The following KAZN variants were observed in gnomAD, a reference collection of about 807,000 sequenced individuals.
KAZN encodes kazrin, periplakin interacting protein.
KAZN carries 40 observed loss-of-function variants against 87.4 expected under a neutral mutation model. That is an observed-to-expected ratio of 0.46 (90% CI 0.36 to 0.60). The LOEUF (loss-of-function observed/expected upper bound fraction) is 0.60. KAZN is among the 20% of genes least tolerant of loss of function. The pLI, the probability that KAZN is intolerant of heterozygous loss-of-function variation, is 0.00. For synonymous variants in KAZN, 466 were observed against 458.3 expected (o/e 1.02, Z -0.22); for missense variants, 898 against 1,073.9 (o/e 0.84, Z 2.29).
chr1:15,089,602 C>G (rs965379615), intron 8 of KAZN, among the ~76,000 whole-genome samples: 10 of 151,812 alleles, frequency 6.6e-5, no homozygotes, highest in Admixed American at 4.6e-4. Flanking sequence ...AAACAGACAT[C>G]AGAAAAAAAT....
At chr1:14,149,559 G>C (rs1172461361) in intron 1 of KAZN, among the ~76,000 whole-genome samples, 1 of 152,042 alleles carries the variant, frequency 6.6e-6, no homozygotes, top group East Asian at 1.9e-4. Flanking sequence ...ACCATTGCCT[G>C]GGCCTCTTCC....
At chr1:15,020,559 C>T (rs992105162) in intron 2 of KAZN, among the ~76,000 whole-genome samples, 2 of 152,112 alleles carry the variant, frequency 1.3e-5, no homozygotes, top group African/African-American at 4.8e-5. Context: ...TCCAGAAGCG[C>T]GACACTCGGT....
chr1:14,194,019 T>C (rs1570983290), intron 2 of KAZN, among the ~76,000 whole-genome samples: 1 of 152,240 alleles, frequency 6.6e-6, no homozygotes, highest in Non-Finnish European at 1.5e-5. Context: ...TATGGCTTTC[T>C]TTTCATCATC....
At chr1:15,065,946 C>CT in intron 8 of KAZN, 193 bp downstream of exon 8, 1 of 1,403,182 alleles carries the variant, frequency 7.1e-7, no homozygotes, top group Non-Finnish European at 9.2e-7. Context: ...CCGAGCGCCT[C>CT]TAACAAGTGA....
At chr1:14,891,217 C>T (rs1399939441) in intron 1 of KAZN, among the ~76,000 whole-genome samples, 6 of 152,026 alleles carry the variant, frequency 3.9e-5, no homozygotes, top group East Asian at 1.9e-4. Flanking sequence ...TACATGAGTA[C>T]GTTCTTTAGT....
At chr1:14,402,099 AAG>A (rs929932711) in intron 2 of KAZN, among the ~76,000 whole-genome samples, 4 of 135,112 alleles carry the variant, frequency 3.0e-5, no homozygotes, top group African/African-American at 1.1e-4. Context: ...AAAAAAAAAA[AAG>A]AGAACATATA....
At chr1:14,840,930 A>G (rs1647894896) in intron 1 of KAZN, among the ~76,000 whole-genome samples, 1 of 152,212 alleles carries the variant, frequency 6.6e-6, no homozygotes, top group Non-Finnish European at 1.5e-5. Context: ...ATAGTTGATG[A>G]TGAAGAAAGA....
At chr1:14,069,197 T>C (rs560954368) in intron 1 of KAZN, among the ~76,000 whole-genome samples, 1 of 152,320 alleles carries the variant, frequency 6.6e-6, no homozygotes, top group African/African-American at 2.4e-5. Context: ...GGATGGAACC[T>C]GGTAAGTGAG....
At chr1:14,478,834 C>T (rs1159806902) in intron 2 of KAZN, among the ~76,000 whole-genome samples, 1 of 152,138 alleles carries the variant, frequency 6.6e-6, no homozygotes, top group Non-Finnish European at 1.5e-5. Context: ...GTTTGGATTT[C>T]TCTGAAAGCA....
chr1:14,319,008 ATTTTTAT>A (rs1309319831), intron 2 of KAZN, among the ~76,000 whole-genome samples: 15 of 125,696 alleles, frequency 1.2e-4, no homozygotes, highest in Non-Finnish European at 9.7e-5. Context: ...TTGACCTTTT[ATTTTTAT>A]TTATTTATTT....
chr1:14,371,076 G>A (rs1021475607), intron 2 of KAZN, among the ~76,000 whole-genome samples: 1 of 152,152 alleles, frequency 6.6e-6, no homozygotes, highest in Admixed American at 6.5e-5. Flanking sequence ...TGAGCCTCTA[G>A]CATAGTTGTT....
At chr1:14,379,879 C>T (rs529784817) in intron 2 of KAZN, among the ~76,000 whole-genome samples, 198 of 152,296 alleles carry the variant, frequency 1.3e-3, no homozygotes, top group African/African-American at 4.4e-3. Flanking sequence ...TGAGCAAACA[C>T]AGGCAGTAGC....
intron 2 of KAZN, among the ~76,000 whole-genome samples, chr1:14,387,717 A>C (rs1662053848): frequency 6.6e-6 from 1 of 151,886 alleles, no homozygotes; most frequent in Non-Finnish European, 1.5e-5. Context: ...CTCTCTTCAA[A>C]GCTGTCAGAC....
chr1:13,906,391 G>A (rs186405635), intron 1 of KAZN, among the ~76,000 whole-genome samples: 73 of 152,280 alleles, frequency 4.8e-4, no homozygotes, highest in Admixed American at 1.5e-3. Flanking sequence ...GGCGGGCTTC[G>A]TTTTCGGAGA....
intron 2 of KAZN, among the ~76,000 whole-genome samples, chr1:14,247,719 G>T (rs976864580): frequency 6.6e-6 from 1 of 152,212 alleles, no homozygotes; most frequent in African/African-American, 2.4e-5. Flanking sequence ...TTCTTTATAT[G>T]TAGATTTCTT....
chr1:15,014,328 C>T (rs1166619166), intron 2 of KAZN, among the ~76,000 whole-genome samples: 1 of 152,120 alleles, frequency 6.6e-6, no homozygotes, highest in Non-Finnish European at 1.5e-5. Flanking sequence ...GAAGGGAGCC[C>T]ATAGGTTCCC....
chr1:14,344,022 A>G (rs1478274397), intron 2 of KAZN, among the ~76,000 whole-genome samples: 1 of 152,202 alleles, frequency 6.6e-6, no homozygotes, highest in Non-Finnish European at 1.5e-5. Flanking sequence ...CCAGAACCGG[A>G]GACCCATCTT....
chr1:14,345,705 A>G (rs181541202), intron 2 of KAZN, among the ~76,000 whole-genome samples: 28 of 152,328 alleles, frequency 1.8e-4, no homozygotes, highest in Admixed American at 1.4e-3. Context: ...TTCAGTAAAC[A>G]TTTGTTTTTT....
At chr1:14,982,417 A>ATTTTTT (rs71000353) in intron 2 of KAZN, among the ~76,000 whole-genome samples, 4 of 64,830 alleles carry the variant, frequency 6.2e-5, no homozygotes, top group Non-Finnish European at 8.0e-5. Context: ...AGCACCTGAG[A>ATTTTTT]TTTTTTTTTT....
Sources: gnomAD v4.1 joint callset for allele counts (sites outside exome capture counted in the v4.1 genomes callset) on GRCh38, gnomAD v4.1.1 for gene constraint, MANE v1.5 for transcripts, NCBI Gene and HGNC (gene_info 2026-07-23, HGNC 2026-07-21) for gene names.